The following DMXL1 variants were observed in gnomAD, a reference collection of about 807,000 sequenced individuals.
DMXL1 encodes the protein dmX-like protein 1.
A neutral mutation model predicts 319.2 loss-of-function variants in DMXL1; 99 were observed. The observed-to-expected ratio is 0.31, with a 90% CI of 0.26 to 0.37. DMXL1 has a LOEUF of 0.37. Among genes scored for constraint, DMXL1 ranks in the 10% least tolerant of loss-of-function variants. The probability of loss-of-function intolerance (pLI) is 1.00; values close to 1 mark genes in which losing one functional copy is unlikely to be tolerated. For synonymous variants in DMXL1, 1,385 were observed against 1,235.2 expected (o/e 1.12, Z -2.54); for missense variants, 3,745 against 3,595.6 (o/e 1.04, Z -1.06).
intron 9 of DMXL1, 123 bp downstream of exon 9, chr5:119,121,262 CTTTTTTTT>C: frequency 1.5e-6 from 1 of 646,684 alleles, no homozygotes; most frequent in Non-Finnish European, 2.2e-6. Context: ...GCCTATTTTT[CTTTTTTTT>C]TTCTTTTTTT....
At chr5:119,223,547 TC>T (rs1785013921) in intron 37 of DMXL1, among the ~76,000 whole-genome samples, 1 of 152,216 alleles carries the variant, frequency 6.6e-6, no homozygotes. Context: ...GATTGAATTT[TC>T]TTCCTACCTA....
chr5:119,147,325 C>A lies in DMXL1; in HGVS notation c.2766C>A (p.Ile922=), dbSNP rs750663489. The stretch of plus-strand genomic sequence containing the variant: ...ATTATTCTTCTTCTCCAGAGAAGAT[C>A]CTATCTCCTTTTTCACAAAAGTATC... ...EEHYSSSPEK[I]LSPFSQKYQA... is the part of the protein sequence containing the mutation. Residue 922 remains isoleucine, a synonymous_variant, in exon 17 of 44, where the codon ATC becomes ATA. Coordinates refer to ENST00000539542, the MANE Select transcript of DMXL1 (RefSeq NM_001290321.3). 1.2e-6 allele frequency: 2 copies of A among 1,613,444 alleles called. No individual in the cohort carries two copies. Among genetic ancestry groups the A allele is most frequent in the Non-Finnish European group, 1.7e-6 (2 of 1,179,622 alleles).
At chr5:119,117,271 G>A (rs1761050402) in intron 7 of DMXL1, among the ~76,000 whole-genome samples, 1 of 152,062 alleles carries the variant, frequency 6.6e-6, no homozygotes, top group South Asian at 2.1e-4. Flanking sequence ...GAACTCCTGA[G>A]CTCAGGCGAT....
chr5:119,232,885 A>G (rs1787040025), intron 38 of DMXL1, among the ~76,000 whole-genome samples: 1 of 151,962 alleles, frequency 6.6e-6, no homozygotes, highest in African/African-American at 2.4e-5. Context: ...CAATCAGGAT[A>G]ACTTTTAGAA....
chr5:119,244,046 T>G (rs1340109905), intron 42 of DMXL1, among the ~76,000 whole-genome samples: 1 of 152,182 alleles, frequency 6.6e-6, no homozygotes, highest in African/African-American at 2.4e-5. Flanking sequence ...GTCAAATGCT[T>G]CTGAGTACTC....
intron 7 of DMXL1, among the ~76,000 whole-genome samples, chr5:119,118,280 G>A (rs1761279775): frequency 2.0e-5 from 3 of 152,168 alleles, no homozygotes; most frequent in South Asian, 2.1e-4. Flanking sequence ...GTAGCTTTTT[G>A]TGACAGTGTG....
intron 1 of DMXL1, among the ~76,000 whole-genome samples, chr5:119,073,839 T>G (rs995098009): frequency 6.6e-5 from 10 of 152,116 alleles, no homozygotes; most frequent in African/African-American, 2.4e-4. Context: ...ACACCTTAAA[T>G]TTTTCTCTCT....
At chr5:119,151,708 A>G (rs971352220) in intron 18 of DMXL1, among the ~76,000 whole-genome samples, 8 of 152,180 alleles carry the variant, frequency 5.3e-5, no homozygotes, top group Non-Finnish European at 8.8e-5. Flanking sequence ...GTCAGTTTAT[A>G]AAGAGTATCA....
chr5:119,132,710 G>C (rs1765200905), intron 10 of DMXL1: 4 of 483,886 alleles, frequency 8.3e-6, no homozygotes, highest in Non-Finnish European at 1.2e-5. Flanking sequence ...TCCCTTTTCT[G>C]GGTTGACAAT....
At chr5:119,142,503 C>G (rs1262644466) in intron 13 of DMXL1, among the ~76,000 whole-genome samples, 1 of 137,332 alleles carries the variant, frequency 7.3e-6, no homozygotes, top group Admixed American at 7.8e-5. Context: ...GTCAGAATGG[C>G]TATTATTAAA....
intron 37 of DMXL1, among the ~76,000 whole-genome samples, chr5:119,221,836 C>A (rs1784697469): frequency 6.7e-6 from 1 of 149,214 alleles, no homozygotes; most frequent in African/African-American, 2.5e-5. Context: ...AAGCAAAAAG[C>A]AATATAATAA....
Position 119,146,903 on chromosome 5 carries a change from G to A in DMXL1, c.2636G>A (p.Arg879His), listed in dbSNP as rs763318276. The A allele has an allele frequency of 4.3e-6, 7 of 1,611,570 alleles. No homozygotes were observed. Among genetic ancestry groups the A allele is most frequent in the Non-Finnish European group, 5.9e-6 (7 of 1,178,528 alleles). The change falls in exon 16 of 44, where the codon CGT (arginine) becomes CAT (histidine). Residue 879 changes from arginine to histidine, a missense_variant. Arg to His is a conservative substitution (Grantham distance 29). This residue lies in a region of DMXL1 where 2,096 missense variants were observed against 1,985.4 expected (regional missense o/e 1.06). Transcript: ENST00000539542. ...LIVIECTQDN[R>H]SLLHMWNLHL... The stretch of plus-strand genomic sequence containing the variant: ...GTAATAGAATGCACTCAAGACAACC[G>A]TTCACTGTTACACATGTGGAATTTA...
intron 1 of DMXL1, among the ~76,000 whole-genome samples, chr5:119,088,470 T>C (rs896534858): frequency 2.6e-5 from 4 of 152,192 alleles, no homozygotes; most frequent in Non-Finnish European, 5.9e-5. Flanking sequence ...GCTGCAAAAG[T>C]AATTGTGAGT....
chr5:119,245,862 T>C (rs760052761), intron 43 of DMXL1, among the ~76,000 whole-genome samples: 10 of 151,750 alleles, frequency 6.6e-5, no homozygotes, highest in African/African-American at 2.2e-4. Flanking sequence ...CTTTAGTTTG[T>C]ACTTTGATCC....
rs189869800 is a variant in DMXL1, at chr5:119,144,028, A to G, written c.2466+98A>G. ...TTAATGTAATTTGAAAATTTGCTATATATTTACAGGTAGATTCAGTAATTA... is the reference window on the plus strand; with the variant it reads ...TTAATGTAATTTGAAAATTTGCTATGTATTTACAGGTAGATTCAGTAATTA... On this transcript the variant is annotated intron_variant, in intron 14 of 43. Coordinates refer to ENST00000539542, the MANE Select transcript of DMXL1 (RefSeq NM_001290321.3). 2.0e-3 allele frequency: 1,455 copies of G among 727,658 alleles called. 4 individuals are homozygous for G. Among genetic ancestry groups the G allele is most frequent in the Admixed American group, 4.2e-3 (157 of 37,646 alleles). The allele number at this position is 727,658 out of a possible 1,614,324, so 45.1% of individuals were successfully genotyped here. A position where few individuals can be genotyped will look rare whatever the true frequency, so the allele number is the denominator to read the frequency against.
rs752630077 is a variant in DMXL1 at position 119,170,900 on chromosome 5, C to T, written c.6109C>T (p.Leu2037Phe). The change falls in exon 24 of 44, where the codon CTC becomes TTC. Residue 2037 changes from leucine (L) to phenylalanine (F), a missense_variant. Leu to Phe is a conservative substitution (Grantham distance 22). Around this residue, in one of 4 missense-constraint regions of DMXL1, gnomAD observed 1,382 missense variants for 1,269.5 expected, o/e 1.09. Coordinates refer to ENST00000539542, the MANE Select transcript of DMXL1 (RefSeq NM_001290321.3). Reference protein sequence around the residue: ...QLKFRACLKILTVELRTLSTG... With the variant: ...QLKFRACLKIFTVELRTLSTG... ...AAAATTTAGAGCATGTTTAAAGATTCTCACAGTAGAACTTCGTACTTTATC... is the reference window on the plus strand; with the variant it reads ...AAAATTTAGAGCATGTTTAAAGATTTTCACAGTAGAACTTCGTACTTTATC... 5.0e-6 allele frequency: 8 copies of T among 1,612,824 alleles called. No homozygotes were observed. Among genetic ancestry groups the T allele is most frequent in the African/African-American group, 2.7e-5 (2 of 74,586 alleles).
intron 10 of DMXL1, among the ~76,000 whole-genome samples, chr5:119,131,940 C>A (rs1185519404): frequency 1.3e-5 from 2 of 152,164 alleles, no homozygotes. Flanking sequence ...ATGTTCCTCA[C>A]ACTCAAGGCA....
rs1752232034 is a variant in DMXL1 at position 119,081,730 on chromosome 5, TG to T, written c.87+10078del. Reference sequence around the variant, plus strand: ...TGCTTAACCTTTTCGTTTTAACTAATGGGGACAAATTGAGACTGTGCATGGA... The same window carrying T: ...TGCTTAACCTTTTCGTTTTAACTAATGGGACAAATTGAGACTGTGCATGGA... On this transcript the variant is annotated intron_variant, in intron 1 of 43. Coordinates refer to ENST00000539542, the MANE Select transcript of DMXL1 (RefSeq NM_001290321.3). 2.2e-5 allele frequency: 22 copies of T among 985,180 alleles called. No homozygotes were observed. In the South Asian group the frequency reaches 9.9e-4, roughly 44 times the overall value. The allele number at this position is 985,180 out of a possible 1,614,324, so 61.0% of individuals were successfully genotyped here. A position where few individuals can be genotyped will look rare whatever the true frequency, so the allele number is the denominator to read the frequency against.
At chr5:119,174,056 A>T (rs2150290265) in intron 25 of DMXL1, among the ~76,000 whole-genome samples, 1 of 151,850 alleles carries the variant, frequency 6.6e-6, no homozygotes, top group South Asian at 2.1e-4. Flanking sequence ...GTGCAGTTAG[A>T]TGCGAGTTAC....
Sources: allele counts gnomAD v4.1 joint callset (sites outside exome capture counted in the v4.1 genomes callset), GRCh38; gene constraint gnomAD v4.1.1; regional missense constraint gnomAD v4.1.1; transcripts MANE v1.5; gene names NCBI Gene and HGNC (gene_info 2026-07-23, HGNC 2026-07-21).